FRYL: variants seen among roughly 807,000 people sequenced by gnomAD.
FRYL encodes the protein protein furry homolog-like.
In FRYL, 150 loss-of-function variants were observed where a neutral mutation model predicts 351.2. The ratio of observed to expected loss-of-function variants is 0.43; its 90% confidence interval spans 0.37 to 0.49. The LOEUF is 0.49. Ranked by LOEUF, FRYL falls within the 20% of genes least tolerant of loss-of-function variation. The pLI is 0.00. For missense variants in FRYL, 3,036 were observed against 3,619.3 expected (o/e 0.84, Z 4.13); for synonymous variants, 1,153 against 1,257.1 (o/e 0.92, Z 1.75).
chr4:48,562,643 T>C (rs1735783544), intron 32 of FRYL, among the ~76,000 whole-genome samples: 1 of 152,192 alleles, frequency 6.6e-6, no homozygotes, highest in African/African-American at 2.4e-5. Flanking sequence ...TTCATACACA[T>C]ACACACACAT....
chr4:48,581,708 C>T (rs371588338), intron 20 of FRYL, 103 bp from the exon 21 acceptor site: 22 of 900,588 alleles, frequency 2.4e-5, no homozygotes, highest in Admixed American at 1.8e-4. Context: ...TTATGACTAC[C>T]GGTCTGCCTC....
chr4:48,544,788 C>A lies in FRYL; in HGVS notation c.5396G>T (p.Ser1799Ile), dbSNP rs755127352. 6.3e-7 allele frequency: 1 copy of A among 1,593,116 alleles called. No homozygotes were observed. Among genetic ancestry groups the A allele is most frequent in the African/African-American group, 1.4e-5 (1 of 73,626 alleles). The change falls in exon 43 of 64, where the codon AGC (serine) becomes ATC (isoleucine). Residue 1799 changes from serine (S) to isoleucine (I), a missense_variant. Coordinates refer to ENST00000358350, the MANE Select transcript of FRYL (RefSeq NM_015030.2). ...AAATATTTCTTAAAAGATACCTGAG[C>A]TTGACTGCTTAAAAACAGAAACCAC... ...KHVVSVFKQS[S>I]SEGIHLEHHL...
intron 1 of FRYL, among the ~76,000 whole-genome samples, chr4:48,741,648 A>G (rs1243175692): frequency 1.3e-5 from 2 of 152,172 alleles, no homozygotes; most frequent in Admixed American, 6.5e-5. Context: ...GTGAACCGAA[A>G]TGGCGCCACT....
chr4:48,694,868 C>T (rs12500570), intron 2 of FRYL, among the ~76,000 whole-genome samples: 149,754 of 152,210 alleles, frequency 0.98, 73,704 homozygotes, highest in East Asian at 1. Context: ...GCTCAGGAAT[C>T]TGAGACCAGC....
At chr4:48,614,556 T>C (rs1231153227) in intron 7 of FRYL, among the ~76,000 whole-genome samples, 1 of 151,564 alleles carries the variant, frequency 6.6e-6, no homozygotes, top group Non-Finnish European at 1.5e-5. Context: ...ACCCCATCTC[T>C]TCTAAAAATA....
At chr4:48,514,970 G>A in intron 56 of FRYL, 58 bp downstream of exon 56, 1 of 1,442,412 alleles carries the variant, frequency 6.9e-7, no homozygotes, top group Non-Finnish European at 9.4e-7. Flanking sequence ...GCACTCTTTG[G>A]AAGGAATAGG....
Position 48,582,480 on chromosome 4 carries a change from A to G in FRYL, c.1986+17T>C, listed in dbSNP as rs776868642. 1 of 1,517,816 alleles carries G rather than the reference A, an allele frequency of 6.6e-7. No individual in the cohort carries two copies. Among genetic ancestry groups the G allele is most frequent in the Non-Finnish European group, 9.2e-7 (1 of 1,092,690 alleles). 94.0% of individuals were successfully genotyped at this position (1,517,816 alleles called of 1,614,324 possible). On this transcript the variant is annotated intron_variant, in intron 20 of 63. Coordinates refer to ENST00000358350, the MANE Select transcript of FRYL (RefSeq NM_015030.2). ...CACTGACCACATACAAAAGGACAAT[A>G]GAAAAGAATCTGGTACCTGAGTGTC...
At chr4:48,693,440 G>T (rs1765849658) in intron 2 of FRYL, among the ~76,000 whole-genome samples, 1 of 152,084 alleles carries the variant, frequency 6.6e-6, no homozygotes, top group African/African-American at 2.4e-5. Flanking sequence ...TTTCATAAAT[G>T]TTTGAGCTGA....
At chr4:48,771,453 G>A (rs1232392752) in intron 1 of FRYL, among the ~76,000 whole-genome samples, 1 of 152,166 alleles carries the variant, frequency 6.6e-6, no homozygotes, top group African/African-American at 2.4e-5. Context: ...AAGTATCCTA[G>A]TATACATGCT....
At chr4:48,579,346 C>T (rs1407629125) in intron 22 of FRYL, 105 bp from the exon 23 acceptor site, 2 of 899,148 alleles carry the variant, frequency 2.2e-6, no homozygotes, top group Non-Finnish European at 3.3e-6. Flanking sequence ...GTTTCTAAAA[C>T]AAGATAATAT....
Position 48,761,007 on chromosome 4 carries a change from CTGTGTGTG to C in FRYL, c.-384+19063_-384+19070del, listed in dbSNP as rs57872533. ...TCGCTACTCTCTATTATTACTCTGTCTGTGTGTGTGTGTGTGTGTGTGTGTGTGTGTGT... is the reference window on the plus strand; with the variant it reads ...TCGCTACTCTCTATTATTACTCTGTCTGTGTGTGTGTGTGTGTGTGTGTGT... On this transcript the variant is annotated intron_variant, in intron 1 of 63. Coordinates refer to ENST00000358350, the MANE Select transcript of FRYL (RefSeq NM_015030.2). Among the ~76,000 whole-genome samples, 460 of 134,500 alleles carry C rather than the reference CTGTGTGTG, an allele frequency of 3.4e-3. 3 individuals are homozygous for C. Among genetic ancestry groups the C allele is most frequent in the African/African-American group, 5.2e-3 (173 of 33,156 alleles). 88.2% of individuals were successfully genotyped at this position (134,500 alleles called of 152,430 possible).
At chr4:48,527,111 G>C (rs1173860096) in intron 53 of FRYL, among the ~76,000 whole-genome samples, 1 of 152,044 alleles carries the variant, frequency 6.6e-6, no homozygotes, top group Non-Finnish European at 1.5e-5. Flanking sequence ...CAATTTAGTG[G>C]TAAGTGCAAC....
intron 38 of FRYL, 134 bp downstream of exon 38, chr4:48,550,458 T>C (rs540283666): frequency 4.9e-6 from 3 of 607,296 alleles, no homozygotes; most frequent in Admixed American, 2.8e-5. Context: ...TCAGATTATG[T>C]TGGAACACCA....
At chr4:48,667,931 A>C (rs976433429) in intron 3 of FRYL, among the ~76,000 whole-genome samples, 1 of 152,220 alleles carries the variant, frequency 6.6e-6, no homozygotes, top group African/African-American at 2.4e-5. Context: ...TACAGGCGAG[A>C]GCCACAGCGT....
At chr4:48,707,686 T>C (rs369824715) in intron 2 of FRYL, among the ~76,000 whole-genome samples, 1 of 152,208 alleles carries the variant, frequency 6.6e-6, no homozygotes, top group Non-Finnish European at 1.5e-5. Flanking sequence ...TAATGAGGTC[T>C]AAGGCAAGAA....
intron 1 of FRYL, among the ~76,000 whole-genome samples, chr4:48,732,202 A>G (rs1770796621): frequency 6.6e-6 from 1 of 152,236 alleles, no homozygotes; most frequent in Non-Finnish European, 1.5e-5. Flanking sequence ...TCATTAGAGA[A>G]ATGCAAATCA....
intron 1 of FRYL, among the ~76,000 whole-genome samples, chr4:48,766,908 T>C (rs1230810376): frequency 6.6e-6 from 1 of 150,746 alleles, no homozygotes; most frequent in Non-Finnish European, 1.5e-5. Flanking sequence ...TCCATAGATT[T>C]AATGTTTTCA....
At chr4:48,608,716 AAGAT>A (rs1747370668) in intron 9 of FRYL, among the ~76,000 whole-genome samples, 1 of 152,222 alleles carries the variant, frequency 6.6e-6, no homozygotes. Flanking sequence ...AATAGGGAAA[AAGAT>A]AGTGTCCTAA....
In FRYL at chr4:48,515,102, C is replaced by T; in HGVS notation, c.7863G>A (p.Glu2621=). Reference sequence around the variant, plus strand: ...GCTCTTTCAGAGCTAAGGTAACATCCTCTTCACAGACTGACTCGGGGTAAC... The same window carrying T: ...GCTCTTTCAGAGCTAAGGTAACATCTTCTTCACAGACTGACTCGGGGTAAC... ...PESYPESVCE[E]DVTLALKELD... is the part of the protein sequence containing the mutation. The change falls in exon 56 of 64, where the codon GAG becomes GAA. Residue 2621 remains glutamate, a synonymous_variant. Coordinates refer to ENST00000358350, the MANE Select transcript of FRYL (RefSeq NM_015030.2). 6.2e-7 allele frequency: 1 copy of T among 1,613,842 alleles called. No individual in the cohort carries two copies. The highest frequency in any genetic ancestry group is 1.7e-5 in the Admixed American group (1 of 60,010).
Sources: gnomAD v4.1 joint callset for allele counts (sites outside exome capture counted in the v4.1 genomes callset) on GRCh38, gnomAD v4.1.1 for gene constraint, MANE v1.5 for transcripts, NCBI Gene and HGNC (gene_info 2026-07-23, HGNC 2026-07-21) for gene names.